Variants in PAPSS1 observed in about 807,000 individuals in gnomAD.
The protein encoded by PAPSS1 is 3'-phosphoadenosine 5'-phosphosulfate synthase 1.
A neutral mutation model predicts 72.0 loss-of-function variants in PAPSS1; 50 were observed. The observed-to-expected ratio is 0.69, with a 90% confidence interval of 0.55 to 0.88. PAPSS1 has a LOEUF of 0.88. Among genes scored for constraint, PAPSS1 ranks in the 40% least tolerant of loss-of-function variants. PAPSS1 has a pLI of 0.00. For missense variants in PAPSS1, 657 were observed against 782.2 expected, an observed-to-expected ratio of 0.84 and a Z score of 1.91; for synonymous variants, 261 against 263.6, an observed-to-expected ratio of 0.99 and a Z score of 0.09.
chr4:107,635,091 C>T (rs918840566), intron 10 of PAPSS1, among the ~76,000 whole-genome samples: 1 of 152,124 alleles, frequency 6.6e-6, no homozygotes, highest in African/African-American at 2.4e-5. Context: ...AGCCACCGCG[C>T]TTGGCCTATT....
intron 10 of PAPSS1, among the ~76,000 whole-genome samples, chr4:107,639,349 A>C (rs1726476500): frequency 6.6e-6 from 1 of 152,214 alleles, no homozygotes; most frequent in Admixed American, 6.5e-5. Context: ...CATTTGTGGT[A>C]CAGGTCCACA....
chr4:107,627,620 C>A (rs1415186477), intron 11 of PAPSS1, among the ~76,000 whole-genome samples: 1 of 152,112 alleles, frequency 6.6e-6, no homozygotes, highest in Non-Finnish European at 1.5e-5. Context: ...AAGGGCAGAA[C>A]TGTACTCAAA....
Position 107,656,939 on chromosome 4 carries a change from C to T in PAPSS1, c.852G>A (p.Glu284=). ...WATPLNGFMR[E]REYLQCLHFD... is the part of the protein sequence containing the mutation. The stretch of plus-strand genomic sequence containing the variant: ...AATGAAGGCACTGCAAGTACTCCCT[C>T]TCTCTCATAAAGCCATTCAATGGGG... Residue 284 remains glutamate, a synonymous_variant, in exon 7 of 12, where the codon GAG becomes GAA. Coordinates refer to ENST00000265174, the MANE Select transcript of PAPSS1 (RefSeq NM_005443.5). 6.2e-7 allele frequency: 1 copy of T among 1,613,758 alleles called. No individual in the cohort carries two copies. The highest frequency in any genetic ancestry group is 1.1e-5 in the South Asian group (1 of 91,070).
At chr4:107,667,314 G>C (rs1727346257) in intron 5 of PAPSS1, among the ~76,000 whole-genome samples, 1 of 152,110 alleles carries the variant, frequency 6.6e-6, no homozygotes, top group Non-Finnish European at 1.5e-5. Context: ...GGCTGTTACT[G>C]AGTCTATAAG....
chr4:107,681,022 G>A (rs1727792230), intron 5 of PAPSS1, among the ~76,000 whole-genome samples: 1 of 151,974 alleles, frequency 6.6e-6, no homozygotes, highest in Non-Finnish European at 1.5e-5. Context: ...TTTATAATGT[G>A]GAAAAACTCA....
At chr4:107,709,043 A>G (rs1031851039) in intron 1 of PAPSS1, among the ~76,000 whole-genome samples, 4 of 152,206 alleles carry the variant, frequency 2.6e-5, no homozygotes, top group African/African-American at 2.4e-5. Context: ...TTTTCTGTCC[A>G]TAAATCTTCT....
At chr4:107,645,205 TAA>T (rs142724086) in intron 9 of PAPSS1, 135 bp from the exon 10 acceptor site, 18,073 of 396,138 alleles carry the variant, frequency 0.046, 2 homozygotes, top group Middle Eastern at 0.09. Flanking sequence ...AGAAAACTGG[TAA>T]AAAAAAAAAA....
At chr4:107,686,504 G>A (rs1481531610) in intron 4 of PAPSS1, among the ~76,000 whole-genome samples, 3 of 152,102 alleles carry the variant, frequency 2.0e-5, no homozygotes, top group Non-Finnish European at 4.4e-5. Context: ...CCACACATGT[G>A]GAATGCACAG....
intron 3 of PAPSS1, among the ~76,000 whole-genome samples, chr4:107,690,808 A>C (rs1722897944): frequency 6.6e-6 from 1 of 152,096 alleles, no homozygotes; most frequent in South Asian, 2.1e-4. Flanking sequence ...CACACTATAC[A>C]AACAAGGGGG....
At chr4:107,691,651 C>T (rs1013384164) in intron 3 of PAPSS1, among the ~76,000 whole-genome samples, 3 of 152,172 alleles carry the variant, frequency 2.0e-5, no homozygotes, top group Admixed American at 6.5e-5. Flanking sequence ...GCCCAGGAGA[C>T]GCACTGTCTG....
At position 107,634,350 on chromosome 4, in the gene PAPSS1, T is replaced by A. The variant is rs144093745; in HGVS notation, c.1507-2490A>T. The stretch of plus-strand genomic sequence containing the variant: ...TTTTTAAAAATAACAAATACATACA[T>A]AATCAAGATTAAGAAGAGCAATTAA... On this transcript the variant is annotated intron_variant, in intron 10 of 11. Transcript: ENST00000265174. 9.1e-3 allele frequency among the ~76,000 whole-genome samples: 1,385 copies of A among 152,174 alleles called. 10 individuals are homozygous for A. The highest frequency in any genetic ancestry group is 0.013 in the Non-Finnish European group (864 of 67,994).
intron 1 of PAPSS1, among the ~76,000 whole-genome samples, chr4:107,704,687 C>G (rs988818838): frequency 6.6e-6 from 1 of 152,108 alleles, no homozygotes; most frequent in Non-Finnish European, 1.5e-5. Flanking sequence ...CATGGTGGCT[C>G]ACACCACTAA....
chr4:107,694,834 T>G (rs1242876625), intron 2 of PAPSS1, among the ~76,000 whole-genome samples: 1 of 152,186 alleles, frequency 6.6e-6, no homozygotes, highest in Non-Finnish European at 1.5e-5. Flanking sequence ...GCACTATTAC[T>G]TGCCAACTTG....
chr4:107,685,152 T>C (rs1014289725), intron 4 of PAPSS1, among the ~76,000 whole-genome samples: 3 of 152,114 alleles, frequency 2.0e-5, no homozygotes, highest in African/African-American at 7.2e-5. Flanking sequence ...TTTACAAGAG[T>C]TCAACTCTTT....
intron 10 of PAPSS1, among the ~76,000 whole-genome samples, chr4:107,637,566 A>G (rs1010674400): frequency 6.6e-6 from 1 of 152,242 alleles, no homozygotes; most frequent in African/African-American, 2.4e-5. Context: ...AATTAAAAAT[A>G]CTGAGAATAA....
intron 1 of PAPSS1, among the ~76,000 whole-genome samples, chr4:107,718,649 T>C (rs1361317336): frequency 6.6e-6 from 1 of 152,164 alleles, no homozygotes; most frequent in East Asian, 1.9e-4. Flanking sequence ...GTCCCACATT[T>C]TTCACCACCA....
chr4:107,717,648 T>A (rs1371295243), intron 1 of PAPSS1, among the ~76,000 whole-genome samples: 1 of 152,148 alleles, frequency 6.6e-6, no homozygotes, highest in East Asian at 1.9e-4. Flanking sequence ...AAAAACTCAA[T>A]GGGCTAATAT....
At chr4:107,616,737 G>A (rs1221091451) in intron 11 of PAPSS1, among the ~76,000 whole-genome samples, 3 of 152,206 alleles carry the variant, frequency 2.0e-5, no homozygotes, top group African/African-American at 7.2e-5. Flanking sequence ...GGTCTTAGAA[G>A]TGGGTGGCAG....
chr4:107,698,781 T>C (rs920931209), intron 2 of PAPSS1, among the ~76,000 whole-genome samples: 1 of 152,164 alleles, frequency 6.6e-6, no homozygotes, highest in Admixed American at 6.5e-5. Flanking sequence ...AGGAGCTCAA[T>C]CAGGTTCTCA....
Sources: gnomAD v4.1 joint callset for allele counts (sites outside exome capture counted in the v4.1 genomes callset) on GRCh38, gnomAD v4.1.1 for gene constraint, MANE v1.5 for transcripts, NCBI Gene and HGNC (gene_info 2026-07-23, HGNC 2026-07-21) for gene names.